The following RBFOX1 variants were observed in gnomAD, a reference collection of about 807,000 sequenced individuals.
RBFOX1 encodes the protein RNA binding fox-1 homolog 1, also known as RNA binding protein fox-1 homolog 1.
RBFOX1 carries 8 observed loss-of-function variants against 57.7 expected under a neutral mutation model. The observed-to-expected ratio is 0.14, with a 90% confidence interval of 0.08 to 0.25. The LOEUF (loss-of-function observed/expected upper bound fraction) is 0.25, where lower values mean the gene tolerates loss of function less well. Among genes scored for constraint, RBFOX1 ranks in the 10% least tolerant of loss-of-function variants. The pLI is 1.00. For missense variants in RBFOX1, 611 were observed against 548.5 expected (o/e 1.11, Z -1.14); for synonymous variants, 326 against 222.4 (o/e 1.47, Z -4.15).
chr16:5,551,931 GT>G (rs2045481858), intron 2 of RBFOX1, among the ~76,000 whole-genome samples: 1 of 152,074 alleles, frequency 6.6e-6, no homozygotes, highest in Non-Finnish European at 1.5e-5. Context: ...GAGAATGATG[GT>G]TTCCAGCTTC....
intron 2 of RBFOX1, among the ~76,000 whole-genome samples, chr16:6,418,097 G>T (rs28568315): frequency 0.62 from 94,379 of 151,934 alleles, 29,902 homozygotes; most frequent in African/African-American, 0.76. Context: ...GACTAAGTAC[G>T]AATGGTAAGT....
intron 3 of RBFOX1, among the ~76,000 whole-genome samples, chr16:6,857,991 T>C (rs2058218504): frequency 6.6e-6 from 1 of 152,174 alleles, no homozygotes; most frequent in African/African-American, 2.4e-5. Context: ...GAGAGGGAGA[T>C]TCTAAACCAG....
chr16:5,451,768 C>T (rs941115460), intron 1 of RBFOX1, among the ~76,000 whole-genome samples: 1 of 152,176 alleles, frequency 6.6e-6, no homozygotes, highest in Non-Finnish European at 1.5e-5. Flanking sequence ...ATTCATTCCG[C>T]TCTTTTTTCG....
chr16:5,983,549 T>C (rs4786797), intron 4 of RBFOX1, among the ~76,000 whole-genome samples: 41,650 of 151,998 alleles, frequency 0.27, 6,513 homozygotes, highest in South Asian at 0.41. Context: ...ATCACCACTC[T>C]GTGGTGCAGG....
At chr16:6,070,249 C>T (rs1290299075) in intron 1 of RBFOX1, among the ~76,000 whole-genome samples, 3 of 152,046 alleles carry the variant, frequency 2.0e-5, no homozygotes, top group African/African-American at 4.8e-5. Flanking sequence ...ATGTGGCTCC[C>T]CCAAAGTATC....
chr16:6,060,188 C>A (rs2095667754), intron 1 of RBFOX1, among the ~76,000 whole-genome samples: 1 of 125,302 alleles, frequency 8.0e-6, no homozygotes, highest in Non-Finnish European at 1.6e-5. Flanking sequence ...AAACATCTTG[C>A]TTACTAATTG....
chr16:5,544,727 A>C (rs1021434401), intron 2 of RBFOX1, among the ~76,000 whole-genome samples: 2 of 152,180 alleles, frequency 1.3e-5, no homozygotes, highest in African/African-American at 4.8e-5. Context: ...ATAAGGCATA[A>C]CTATATCTTA....
intron 3 of RBFOX1, among the ~76,000 whole-genome samples, chr16:6,956,128 A>T (rs1886012256): frequency 1.3e-5 from 2 of 152,170 alleles, no homozygotes; most frequent in African/African-American, 4.8e-5. Context: ...CTGGAGTTGT[A>T]AATGGGACCT....
intron 2 of RBFOX1, among the ~76,000 whole-genome samples, chr16:6,478,905 G>T (rs1277902577): frequency 1.3e-5 from 2 of 152,078 alleles, no homozygotes; most frequent in African/African-American, 2.4e-5. Context: ...ATAATGAAAA[G>T]GTTTGATATA....
chr16:6,790,653 T>C (rs1227767820), intron 3 of RBFOX1, among the ~76,000 whole-genome samples: 1 of 152,148 alleles, frequency 6.6e-6, no homozygotes, highest in Non-Finnish European at 1.5e-5. Context: ...AGCTTCCTGT[T>C]CTGTCTGTCA....
At chr16:7,701,160 TCAAA>T (rs1266673931) in intron 14 of RBFOX1, among the ~76,000 whole-genome samples, 1 of 147,734 alleles carries the variant, frequency 6.8e-6, no homozygotes, top group Admixed American at 6.6e-5. Context: ...GCAATGAAAC[TCAAA>T]CAGAGCCAAG....
chr16:6,229,797 A>G (rs1383959371), intron 1 of RBFOX1, among the ~76,000 whole-genome samples: 1 of 152,084 alleles, frequency 6.6e-6, no homozygotes, highest in East Asian at 1.9e-4. Flanking sequence ...ATAGTTATAA[A>G]TATAGAATAC....
chr16:6,768,536 G>C (rs1022512717), intron 3 of RBFOX1, among the ~76,000 whole-genome samples: 2 of 151,662 alleles, frequency 1.3e-5, no homozygotes, highest in Non-Finnish European at 2.9e-5. Flanking sequence ...TCTATACATT[G>C]ACAAAAATAT....
At chr16:7,708,512 AATGGGG>A (rs2083237884) in intron 14 of RBFOX1, among the ~76,000 whole-genome samples, 1 of 142,722 alleles carries the variant, frequency 7.0e-6, no homozygotes, top group Non-Finnish European at 1.6e-5. Context: ...TGGGAATGGG[AATGGGG>A]GTCCCACAGA....
chr16:7,588,338 A>T (rs879529635), intron 7 of RBFOX1, among the ~76,000 whole-genome samples: 8 of 152,260 alleles, frequency 5.3e-5, no homozygotes, highest in Admixed American at 5.2e-4. Flanking sequence ...CTCAGGCTCC[A>T]GCCCTGATCT....
intron 2 of RBFOX1, among the ~76,000 whole-genome samples, chr16:6,329,259 C>G (rs1406769359): frequency 1.3e-5 from 2 of 152,136 alleles, no homozygotes; most frequent in African/African-American, 2.4e-5. Flanking sequence ...AGGCTGTGTA[C>G]TAAGAAGTTT....
At chr16:6,057,556 G>C (rs1238415545) in intron 1 of RBFOX1, among the ~76,000 whole-genome samples, 1 of 151,606 alleles carries the variant, frequency 6.6e-6, no homozygotes, top group Non-Finnish European at 1.5e-5. Context: ...CAACAAATGG[G>C]GACAGACCAA....
intron 4 of RBFOX1, among the ~76,000 whole-genome samples, chr16:7,235,024 G>T (rs187818532): frequency 1.3e-5 from 2 of 152,058 alleles, no homozygotes; most frequent in Non-Finnish European, 2.9e-5. Context: ...TTTTTGCAAG[G>T]CAAGTCGAAG....
At chr16:6,727,966 A>C (rs9933453) in intron 3 of RBFOX1, among the ~76,000 whole-genome samples, 141,306 of 152,202 alleles carry the variant, frequency 0.93, 66,578 homozygotes, top group East Asian at 1. Flanking sequence ...GAAGAAAATT[A>C]TTTTGGTCTC....
Sources: allele counts gnomAD v4.1 joint callset (sites outside exome capture counted in the v4.1 genomes callset), GRCh38; gene constraint gnomAD v4.1.1; transcripts MANE v1.5; gene names NCBI Gene and HGNC (gene_info 2026-07-23, HGNC 2026-07-21).